PTPRM: variants seen among roughly 807,000 people sequenced by gnomAD.
The protein encoded by PTPRM is protein tyrosine phosphatase receptor type M.
Under a neutral mutation model 186.7 loss-of-function variants are expected in PTPRM, and 47 were observed. That is an observed-to-expected ratio of 0.25 (90% confidence interval 0.20 to 0.32). PTPRM has a LOEUF of 0.32. Ranked by LOEUF, PTPRM falls within the 10% of genes least tolerant of loss-of-function variation. PTPRM has a pLI of 1.00. For missense variants in PTPRM, 1,494 were observed against 1,865.0 expected (o/e 0.80, Z 3.66); for synonymous variants, 668 against 674.9 (o/e 0.99, Z 0.16).
At chr18:8,068,367 A>C (rs2089235409) in intron 7 of PTPRM, among the ~76,000 whole-genome samples, 1 of 152,220 alleles carries the variant, frequency 6.6e-6, no homozygotes, top group Non-Finnish European at 1.5e-5. Context: ...GCTTTTCCTA[A>C]AACCCTGAAT....
intron 1 of PTPRM, among the ~76,000 whole-genome samples, chr18:7,685,381 G>T: frequency 6.6e-6 from 1 of 152,092 alleles, no homozygotes; most frequent in Non-Finnish European, 1.5e-5. Context: ...TGCCCCGAAG[G>T]GTGTGAGAGA....
chr18:8,237,409 C>A (rs1284871782), intron 14 of PTPRM, among the ~76,000 whole-genome samples: 3 of 138,230 alleles, frequency 2.2e-5, no homozygotes, highest in African/African-American at 7.9e-5. Context: ...GAAGGCAGAT[C>A]TGCTGGCAAC....
At chr18:7,578,375 G>A (rs1343006204) in intron 1 of PTPRM, among the ~76,000 whole-genome samples, 7 of 137,122 alleles carry the variant, frequency 5.1e-5, no homozygotes, top group Middle Eastern at 4.1e-3. Flanking sequence ...TTGCTCTGTC[G>A]CCCAGGCTGG....
At chr18:8,023,360 G>T (rs570299238) in intron 7 of PTPRM, among the ~76,000 whole-genome samples, 1 of 152,138 alleles carries the variant, frequency 6.6e-6, no homozygotes, top group Non-Finnish European at 1.5e-5. Context: ...CAGGAGTAGG[G>T]ATTGCTGATA....
At chr18:8,139,602 A>T (rs116471983) in intron 13 of PTPRM, among the ~76,000 whole-genome samples, 2 of 151,930 alleles carry the variant, frequency 1.3e-5, no homozygotes, top group African/African-American at 4.8e-5. Flanking sequence ...ATTATGCTTC[A>T]CCTTCTCCGC....
At chr18:7,678,796 T>C (rs1178370515) in intron 1 of PTPRM, among the ~76,000 whole-genome samples, 1 of 152,262 alleles carries the variant, frequency 6.6e-6, no homozygotes, top group Non-Finnish European at 1.5e-5. Flanking sequence ...TGGATATATC[T>C]GACTTATGCA....
At chr18:8,091,997 A>G (rs1052151953) in intron 11 of PTPRM, among the ~76,000 whole-genome samples, 2 of 152,126 alleles carry the variant, frequency 1.3e-5, no homozygotes, top group Admixed American at 1.3e-4. Context: ...TTTGCACAGT[A>G]TTGTGTGTTC....
At chr18:7,749,572 G>C (rs1030745541) in intron 1 of PTPRM, 1 of 152,146 alleles carries the variant, frequency 6.6e-6, no homozygotes, top group Non-Finnish European at 1.5e-5. Context: ...CCTGACCTCT[G>C]TAGGACTGGG....
At chr18:7,695,658 C>T (rs373150317) in intron 1 of PTPRM, among the ~76,000 whole-genome samples, 82 of 150,692 alleles carry the variant, frequency 5.4e-4, no homozygotes, top group African/African-American at 1.6e-3. Context: ...TTTTCATCTA[C>T]CTCAGAAGGC....
chr18:8,180,888 T>A (rs1237178859), intron 14 of PTPRM, among the ~76,000 whole-genome samples: 2 of 152,142 alleles, frequency 1.3e-5, no homozygotes, highest in African/African-American at 4.8e-5. Flanking sequence ...TAGTGAGACA[T>A]TTAACTACTT....
At chr18:7,846,219 G>C (rs1223324269) in intron 2 of PTPRM, among the ~76,000 whole-genome samples, 1 of 152,198 alleles carries the variant, frequency 6.6e-6, no homozygotes, top group Non-Finnish European at 1.5e-5. Context: ...GCCTGAAATA[G>C]AATGAGGTGG....
intron 2 of PTPRM, among the ~76,000 whole-genome samples, chr18:7,853,331 T>G (rs553356215): frequency 4.1e-4 from 62 of 152,224 alleles, no homozygotes; most frequent in Non-Finnish European, 7.2e-4. Flanking sequence ...AGGGCTCAGC[T>G]TGAAGTAGGA....
chr18:7,842,816 GTA>G (rs1297093820), intron 2 of PTPRM, among the ~76,000 whole-genome samples: 4 of 121,730 alleles, frequency 3.3e-5, no homozygotes, highest in Non-Finnish European at 6.6e-5. Flanking sequence ...GTGTGTGTGT[GTA>G]TATATATATG....
chr18:7,577,801 G>A lies in PTPRM; in HGVS notation c.73+9910G>A, dbSNP rs112768914. Among the ~76,000 whole-genome samples, 956 of 152,162 alleles carry A rather than the reference G, an allele frequency of 6.3e-3. 6 individuals carry two copies. The highest frequency in any genetic ancestry group is 0.017 in the Middle Eastern group (5 of 294). On this transcript the variant is annotated intron_variant, in intron 1 of 32. Transcript: ENST00000580170. ...GTGTGTGTGAGGGAGGTTCTCCCTC[G>A]TCTCTCTGTCTGTCATCATTTTCAT... is the stretch of plus-strand genomic sequence containing the variant.
chr18:8,140,021 C>T (rs2092727523), intron 13 of PTPRM, among the ~76,000 whole-genome samples: 1 of 152,120 alleles, frequency 6.6e-6, no homozygotes, highest in African/African-American at 2.4e-5. Context: ...GGATTTTTTT[C>T]CTCCACATTC....
At chr18:8,010,582 TGTGACTGCCCAGGCTGG>T (rs1254416419) in intron 7 of PTPRM, among the ~76,000 whole-genome samples, 1 of 152,178 alleles carries the variant, frequency 6.6e-6, no homozygotes, top group Non-Finnish European at 1.5e-5. Context: ...ATGTTCATAT[TGTGACTGCCCAGGCTGG>T]GTGGCAGCAC....
At chr18:7,939,176 C>T (rs1232310033) in intron 5 of PTPRM, among the ~76,000 whole-genome samples, 1 of 152,090 alleles carries the variant, frequency 6.6e-6, no homozygotes, top group East Asian at 1.9e-4. Context: ...CAAATGGGCA[C>T]ATTTGAAAGT....
chr18:8,106,828 C>G (rs1463514698), intron 11 of PTPRM, among the ~76,000 whole-genome samples: 1 of 152,186 alleles, frequency 6.6e-6, no homozygotes, highest in Non-Finnish European at 1.5e-5. Flanking sequence ...AAAGCAGGAG[C>G]CAGTCACCTG....
intron 7 of PTPRM, among the ~76,000 whole-genome samples, chr18:7,985,620 G>T (rs555583074): frequency 9.5e-4 from 140 of 147,906 alleles, no homozygotes; most frequent in Middle Eastern, 7.5e-3. Flanking sequence ...TATACTGGTA[G>T]ATACGTATAT....
Sources: gnomAD v4.1 joint callset for allele counts (sites outside exome capture counted in the v4.1 genomes callset) on GRCh38, gnomAD v4.1.1 for gene constraint, MANE v1.5 for transcripts, NCBI Gene and HGNC (gene_info 2026-07-23, HGNC 2026-07-21) for gene names.